The following SLC9C1 variants were observed in gnomAD, a reference collection of about 807,000 sequenced individuals.
SLC9C1 encodes sodium/hydrogen exchanger 10.
A neutral mutation model predicts 140.9 loss-of-function variants in SLC9C1; 97 were observed. The observed-to-expected ratio is 0.69, with a 90% CI of 0.58 to 0.82. The LOEUF (loss-of-function observed/expected upper bound fraction) is 0.82. Among genes scored for constraint, SLC9C1 ranks in the 40% least tolerant of loss-of-function variants. The probability of loss-of-function intolerance (pLI) is 0.00; values close to 1 mark genes in which losing one functional copy is unlikely to be tolerated. For synonymous variants in SLC9C1, 440 were observed against 442.6 expected (o/e 0.99, Z 0.07); for missense variants, 1,340 against 1,389.3 (o/e 0.96, Z 0.56).
intron 13 of SLC9C1, among the ~76,000 whole-genome samples, chr3:112,223,171 T>C (rs1020025914): frequency 6.6e-6 from 1 of 152,018 alleles, no homozygotes; most frequent in Non-Finnish European, 1.5e-5. Context: ...AAACTTAAAG[T>C]GTGAAAGTGA....
intron 13 of SLC9C1, among the ~76,000 whole-genome samples, chr3:112,225,958 C>G (rs144745944): frequency 6.6e-6 from 1 of 152,030 alleles, no homozygotes; most frequent in Non-Finnish European, 1.5e-5. Flanking sequence ...GACTCCAATA[C>G]GATAATAGTT....
chr3:112,230,693 G>A (rs1389033135), intron 13 of SLC9C1, among the ~76,000 whole-genome samples: 1 of 152,122 alleles, frequency 6.6e-6, no homozygotes, highest in East Asian at 1.9e-4. Flanking sequence ...TAGCTGAGAA[G>A]TGTTCAACAG....
rs1297838974 is a variant in SLC9C1 at position 112,151,989 on chromosome 3, T to G, written c.3418-26A>C. The G allele has an allele frequency of 5.8e-6, 9 of 1,553,628 alleles. No homozygotes were observed. In the Admixed American group the frequency reaches 1.9e-4, roughly 34 times the overall value. On this transcript the variant is annotated intron_variant, in intron 27 of 28. Transcript: ENST00000305815. ...CTGGGATTCAAAACACTTTGTTACTTGATGTCATGATAGGCCTTTTGAAGG... is the reference window on the plus strand; with the variant it reads ...CTGGGATTCAAAACACTTTGTTACTGGATGTCATGATAGGCCTTTTGAAGG...
intron 20 of SLC9C1, among the ~76,000 whole-genome samples, chr3:112,187,565 G>A (rs1312476373): frequency 6.6e-6 from 1 of 152,014 alleles, no homozygotes; most frequent in Non-Finnish European, 1.5e-5. Flanking sequence ...TTCTATTTTG[G>A]TTACTTTCAA....
intron 2 of SLC9C1, among the ~76,000 whole-genome samples, chr3:112,282,816 C>T (rs2080395413): frequency 6.6e-6 from 1 of 152,126 alleles, no homozygotes; most frequent in South Asian, 2.1e-4. Flanking sequence ...TCTTTTAATT[C>T]CATTTTTCCA....
At chr3:112,236,991 C>T (rs1441260063) in intron 12 of SLC9C1, among the ~76,000 whole-genome samples, 1 of 152,162 alleles carries the variant, frequency 6.6e-6, no homozygotes, top group Non-Finnish European at 1.5e-5. Flanking sequence ...CCGCTTGGTG[C>T]AGAGCTGAGC....
chr3:112,197,250 A>G (rs1265142894), intron 20 of SLC9C1, among the ~76,000 whole-genome samples: 1 of 152,174 alleles, frequency 6.6e-6, no homozygotes, highest in Admixed American at 6.6e-5. Flanking sequence ...GAGAAATAAG[A>G]CAAAAATAAA....
intron 26 of SLC9C1, among the ~76,000 whole-genome samples, chr3:112,166,813 A>G (rs2077147895): frequency 6.6e-6 from 1 of 152,168 alleles, no homozygotes; most frequent in South Asian, 2.1e-4. Context: ...TGTTATGATT[A>G]AAGTTTTATC....
At chr3:112,285,427 G>A (rs1265346625) in intron 2 of SLC9C1, among the ~76,000 whole-genome samples, 2 of 152,250 alleles carry the variant, frequency 1.3e-5, no homozygotes, top group African/African-American at 2.4e-5. Context: ...TTTTAGTAGA[G>A]ACGGGACTTT....
intron 6 of SLC9C1, among the ~76,000 whole-genome samples, chr3:112,272,597 A>C (rs922627287): frequency 6.6e-6 from 1 of 152,212 alleles, no homozygotes; most frequent in Non-Finnish European, 1.5e-5. Flanking sequence ...AAGGTGTTGA[A>C]GTTCAGAGAA....
intron 5 of SLC9C1, among the ~76,000 whole-genome samples, chr3:112,275,629 C>G (rs531821309): frequency 2.0e-5 from 3 of 152,220 alleles, no homozygotes; most frequent in Middle Eastern, 3.4e-3. Flanking sequence ...AAGACTACAA[C>G]TTTGACCATC....
At chr3:112,204,622 C>A (rs1457545958) in intron 16 of SLC9C1, among the ~76,000 whole-genome samples, 1 of 151,870 alleles carries the variant, frequency 6.6e-6, no homozygotes, top group African/African-American at 2.4e-5. Context: ...GTTTAAAGGA[C>A]AGGTATAATG....
intron 28 of SLC9C1, among the ~76,000 whole-genome samples, chr3:112,149,929 A>G (rs1365400834): frequency 6.6e-6 from 1 of 152,194 alleles, no homozygotes; most frequent in East Asian, 1.9e-4. Flanking sequence ...CCACTGCACC[A>G]CAATCTCAGG....
chr3:112,269,751 A>G (rs953622198), intron 7 of SLC9C1, among the ~76,000 whole-genome samples, 165 bp downstream of exon 7: 2 of 152,098 alleles, frequency 1.3e-5, no homozygotes, highest in Non-Finnish European at 2.9e-5. Context: ...TCTGTTGTAT[A>G]GATATTCATA....
chr3:112,254,764 G>A (rs1049132560), intron 10 of SLC9C1, among the ~76,000 whole-genome samples: 4 of 152,038 alleles, frequency 2.6e-5, no homozygotes, highest in African/African-American at 9.7e-5. Context: ...ACTATAAATG[G>A]GTTAAATGCC....
intron 26 of SLC9C1, among the ~76,000 whole-genome samples, chr3:112,157,306 TTTG>T (rs1246068731): frequency 2.6e-5 from 4 of 152,090 alleles, no homozygotes; most frequent in African/African-American, 7.2e-5. Context: ...TCTTGGTGCT[TTTG>T]TTGAAAACGA....
Position 112,231,398 on chromosome 3 carries a change from A to G in SLC9C1, c.1535T>C (p.Met512Thr). 1 of 1,613,446 alleles carries G rather than the reference A, an allele frequency of 6.2e-7. No individual in the cohort carries two copies. Among genetic ancestry groups the G allele is most frequent in the Non-Finnish European group, 8.5e-7 (1 of 1,179,666 alleles). The change falls in exon 13 of 29, where the codon ATG becomes ACG. Residue 512 changes from methionine (M) to threonine (T), a missense_variant. By Grantham distance (81) the Met-to-Thr change is moderately conservative. Transcript: ENST00000305815. ...CAAGAGACGCCTGTTGGCCAGCTCC[A>G]TTGCTTCAGTGTTAAAGATCTCATC... ...EIDEIFNTEA[M>T]ELANRRLLSA...
intron 15 of SLC9C1, among the ~76,000 whole-genome samples, chr3:112,212,167 A>T (rs2078226673): frequency 6.6e-6 from 1 of 152,250 alleles, no homozygotes; most frequent in Admixed American, 6.5e-5. Flanking sequence ...AAGGAAAAGT[A>T]ACAAACACAA....
At chr3:112,182,461 G>T (rs1423825687) in intron 20 of SLC9C1, among the ~76,000 whole-genome samples, 1 of 151,918 alleles carries the variant, frequency 6.6e-6, no homozygotes, top group East Asian at 1.9e-4. Context: ...TTTAGGTTCA[G>T]GTGATACATG....
Sources: allele counts gnomAD v4.1 joint callset (sites outside exome capture counted in the v4.1 genomes callset), GRCh38; gene constraint gnomAD v4.1.1; transcripts MANE v1.5; gene names NCBI Gene and HGNC (gene_info 2026-07-23, HGNC 2026-07-21).